Variants in CSGALNACT1 observed in about 807,000 individuals in gnomAD.
CSGALNACT1 encodes chondroitin sulfate N-acetylgalactosaminyltransferase 1.
A neutral mutation model predicts 51.0 loss-of-function variants in CSGALNACT1; 52 were observed. The observed-to-expected ratio is 1.02, with a 90% CI of 0.82 to 1.29. The LOEUF (loss-of-function observed/expected upper bound fraction) is 1.29. Among genes scored for constraint, CSGALNACT1 ranks in the 50% most tolerant of loss-of-function variants. The pLI, the probability that CSGALNACT1 is intolerant of heterozygous loss-of-function variation, is 0.00. For missense variants in CSGALNACT1, 935 were observed against 679.2 expected, an observed-to-expected ratio of 1.38 and a Z score of -4.19; for synonymous variants, 341 against 254.4, an observed-to-expected ratio of 1.34 and a Z score of -3.24.
intron 1 of CSGALNACT1, among the ~76,000 whole-genome samples, chr8:19,643,942 G>A (rs938954114): frequency 6.6e-6 from 1 of 152,134 alleles, no homozygotes; most frequent in Non-Finnish European, 1.5e-5. Context: ...TTTACTTTGA[G>A]GAATCAATCT....
At chr8:19,447,578 G>C (rs2062359637) in intron 5 of CSGALNACT1, among the ~76,000 whole-genome samples, 1 of 152,140 alleles carries the variant, frequency 6.6e-6, no homozygotes, top group Admixed American at 6.5e-5. Context: ...TACACAATAG[G>C]ATGTGTGGCA....
intron 3 of CSGALNACT1, among the ~76,000 whole-genome samples, chr8:19,565,094 T>G (rs1216881306): frequency 6.6e-6 from 1 of 152,212 alleles, no homozygotes; most frequent in Non-Finnish European, 1.5e-5. Flanking sequence ...GTTACAAGCA[T>G]CCTTGCTGAA....
At chr8:19,562,376 C>A (rs1471489952) in intron 3 of CSGALNACT1, among the ~76,000 whole-genome samples, 1 of 151,852 alleles carries the variant, frequency 6.6e-6, no homozygotes, top group Admixed American at 6.6e-5. Context: ...CTAGGCAATA[C>A]CATTCAGGAT....
chr8:19,516,830 G>C (rs1467057117), intron 3 of CSGALNACT1, among the ~76,000 whole-genome samples: 1 of 152,198 alleles, frequency 6.6e-6, no homozygotes, highest in Non-Finnish European at 1.5e-5. Context: ...GCTGGAAGTG[G>C]CTGCTTTCTG....
chr8:19,665,964 CT>C (rs2059147335), intron 1 of CSGALNACT1, among the ~76,000 whole-genome samples: 2 of 152,246 alleles, frequency 1.3e-5, no homozygotes, highest in South Asian at 2.1e-4. Flanking sequence ...TTTTCTCCAT[CT>C]TTTTTCTAGT....
At chr8:19,607,010 C>A (rs2051475352), upstream of CSGALNACT1, among the ~76,000 whole-genome samples, 1 of 152,064 alleles carries the variant, frequency 6.6e-6, no homozygotes, top group Non-Finnish European at 1.5e-5. Flanking sequence ...AAAAAATTAG[C>A]CGGGCATGGT....
rs1350895479 is a variant in CSGALNACT1 at position 19,667,073 on chromosome 8, A to G, written c.-544+15400T>C. ...AAAGAAAGAAAGAAAGAAAGAAAGA[A>G]AGAAAGAAAGAAAGAAAGAAAGAAA... On this transcript the variant is annotated intron_variant, in intron 1 of 9. Coordinates refer to the CSGALNACT1 transcript ENST00000332246. 2.1e-3 allele frequency among the ~76,000 whole-genome samples: 259 copies of G among 125,504 alleles called. 57 individuals carry two copies. The highest frequency in any genetic ancestry group is 6.9e-3 in the African/African-American group (236 of 34,044). 82.3% of individuals were successfully genotyped at this position (125,504 alleles called of 152,430 possible). A position where few individuals can be genotyped will look rare whatever the true frequency, so the allele number is the denominator to read the frequency against.
intron 2 of CSGALNACT1, among the ~76,000 whole-genome samples, chr8:19,599,879 T>G (rs1315328529): frequency 1.3e-5 from 2 of 152,218 alleles, no homozygotes; most frequent in African/African-American, 4.8e-5. Context: ...CCTTTCTTTT[T>G]GGGCAGACAA....
chr8:19,567,462 G>C (rs2042125911), intron 3 of CSGALNACT1, among the ~76,000 whole-genome samples: 2 of 152,276 alleles, frequency 1.3e-5, no homozygotes, highest in South Asian at 4.1e-4. Context: ...TCATCCACCA[G>C]AAATAGAAGG....
At chr8:19,450,412 A>C (rs2153798607) in intron 5 of CSGALNACT1, among the ~76,000 whole-genome samples, 1 of 152,192 alleles carries the variant, frequency 6.6e-6, no homozygotes, top group South Asian at 2.1e-4. Context: ...ATTTAAAGCA[A>C]ACTTTCCCTG....
At chr8:19,607,319 T>TA (rs143936866), upstream of CSGALNACT1, among the ~76,000 whole-genome samples, 470 of 152,272 alleles carry the variant, frequency 3.1e-3, 4 homozygotes, top group African/African-American at 0.011. Context: ...TATTATAGCA[T>TA]AAAAAAGCAC....
intron 4 of CSGALNACT1, among the ~76,000 whole-genome samples, chr8:19,488,228 T>C (rs984174250): frequency 1.1e-4 from 17 of 151,896 alleles, no homozygotes; most frequent in Admixed American, 6.6e-5. Flanking sequence ...TGTGCACCTA[T>C]AATCCCAGTT....
chr8:19,703,561 C>T (rs2061994539), intron 1 of CSGALNACT1, among the ~76,000 whole-genome samples: 1 of 152,178 alleles, frequency 6.6e-6, no homozygotes, highest in African/African-American at 2.4e-5. Context: ...CCTGGGCCTC[C>T]CAAAGTGCTG....
chr8:19,559,282 C>T (rs1564045552), intron 3 of CSGALNACT1, among the ~76,000 whole-genome samples: 1 of 152,034 alleles, frequency 6.6e-6, no homozygotes, highest in Non-Finnish European at 1.5e-5. Context: ...TAAAATTGAA[C>T]ATCCATGATT....
At chr8:19,579,165 T>C (rs1307228838) in intron 3 of CSGALNACT1, among the ~76,000 whole-genome samples, 2 of 152,316 alleles carry the variant, frequency 1.3e-5, no homozygotes, top group East Asian at 3.9e-4. Context: ...CCATGTCACT[T>C]AGGAGAAATT....
chr8:19,602,974 TTA>T (rs537946921), upstream of CSGALNACT1, among the ~76,000 whole-genome samples: 31 of 149,698 alleles, frequency 2.1e-4, no homozygotes, highest in South Asian at 3.0e-3. Context: ...TTTGCTATTT[TTA>T]TATATATATA....
At chr8:19,701,061 C>A (rs1364771486) in intron 1 of CSGALNACT1, among the ~76,000 whole-genome samples, 2 of 151,596 alleles carry the variant, frequency 1.3e-5, no homozygotes, top group Admixed American at 1.3e-4. Flanking sequence ...CCCTCTTATG[C>A]CATCAAGACA....
chr8:19,437,262 G>A (rs750211066), intron 6 of CSGALNACT1, among the ~76,000 whole-genome samples: 4 of 152,156 alleles, frequency 2.6e-5, no homozygotes, highest in Admixed American at 2.6e-4. Flanking sequence ...TAACAAAAAG[G>A]AGGGTGGAAG....
intron 1 of CSGALNACT1, among the ~76,000 whole-genome samples, chr8:19,717,018 A>G (rs577351561): frequency 2.4e-4 from 36 of 152,348 alleles, no homozygotes; most frequent in African/African-American, 8.2e-4. Flanking sequence ...TCTAAGCCTT[A>G]GTGGGGATAA....
Sources: gnomAD v4.1 joint callset for allele counts (sites outside exome capture counted in the v4.1 genomes callset) on GRCh38, gnomAD v4.1.1 for gene constraint, MANE v1.5 for transcripts, NCBI Gene and HGNC (gene_info 2026-07-23, HGNC 2026-07-21) for gene names.